Variants in WWOX observed in about 807,000 individuals in gnomAD.
WWOX encodes the protein WW domain-containing oxidoreductase.
In WWOX, 69 loss-of-function variants were observed where a neutral mutation model predicts 46.2. The ratio of observed to expected loss-of-function variants is 1.49; its 90% CI spans 1.23 to 1.82. WWOX has a LOEUF of 1.82. Among genes scored for constraint, WWOX ranks in the 40% most tolerant of loss-of-function variants. WWOX has a pLI of 0.00. For missense variants in WWOX, 919 were observed against 542.6 expected, an observed-to-expected ratio of 1.69 and a Z score of -6.89; for synonymous variants, 359 against 202.6, an observed-to-expected ratio of 1.77 and a Z score of -6.56.
At chr16:78,399,877 T>G (rs374530137) in intron 6 of WWOX, among the ~76,000 whole-genome samples, 44 of 152,182 alleles carry the variant, frequency 2.9e-4, no homozygotes, top group African/African-American at 9.6e-4. Context: ...TCCCAGTAAA[T>G]TGTTGAGAAG....
chr16:78,199,764 C>T (rs899011946), intron 5 of WWOX, among the ~76,000 whole-genome samples: 1 of 149,784 alleles, frequency 6.7e-6, no homozygotes, highest in Admixed American at 6.6e-5. Context: ...GAATGTCTCT[C>T]TTAGGCTGAG....
chr16:78,719,950 A>G (rs1278938286), intron 8 of WWOX, among the ~76,000 whole-genome samples: 2 of 152,200 alleles, frequency 1.3e-5, no homozygotes, highest in Non-Finnish European at 2.9e-5. Flanking sequence ...AAAGTGTTCT[A>G]TTCTAAGCTA....
rs1051719690 is a variant in WWOX, at chr16:79,212,174, T to G, written c.*378T>G. 6.8e-7 allele frequency: 1 copy of G among 1,478,886 alleles called. No homozygotes were observed. Among genetic ancestry groups the G allele is most frequent in the African/African-American group, 1.5e-5 (1 of 65,244 alleles). The allele number at this position is 1,478,886 out of a possible 1,614,324, so 91.6% of individuals were successfully genotyped here. A position where few individuals can be genotyped will look rare whatever the true frequency, so the allele number is the denominator to read the frequency against. ...ATCCAGCTACCACCACGGCCACCAC[T>G]GCAGCCGGGGGCTGGCCTTCTCCTA... is the stretch of plus-strand genomic sequence containing the variant. On this transcript the variant is annotated 3_prime_UTR_variant, in exon 9 of 9. Coordinates refer to ENST00000566780, the MANE Select transcript of WWOX (RefSeq NM_016373.4).
chr16:78,597,592 C>A (rs1009728153), intron 8 of WWOX, among the ~76,000 whole-genome samples: 10 of 152,114 alleles, frequency 6.6e-5, no homozygotes, highest in African/African-American at 2.4e-4. Flanking sequence ...TTTCTGGAAA[C>A]CTTCAAATTA....
chr16:78,571,135 G>A lies in WWOX; in HGVS notation c.1056+138383G>A, dbSNP rs534115755. ...TAGTTACTTACAGTAGAAGAGAAAT[G>A]TACATTTCTGAAAATCCACTGAGGA... On this transcript the variant is annotated intron_variant, in intron 8 of 8. Coordinates refer to ENST00000566780, the MANE Select transcript of WWOX (RefSeq NM_016373.4). 3.3e-5 allele frequency among the ~76,000 whole-genome samples: 5 copies of A among 152,314 alleles called. No homozygotes were observed. In the East Asian group the frequency reaches 9.7e-4, roughly 29 times the overall value.
chr16:78,152,062 C>T (rs974351196), intron 4 of WWOX, among the ~76,000 whole-genome samples: 3 of 152,020 alleles, frequency 2.0e-5, no homozygotes, highest in African/African-American at 4.8e-5. Context: ...TGGTGGCGGG[C>T]GCCTGTAGTC....
At chr16:78,165,345 T>C (rs76348177) in intron 5 of WWOX, among the ~76,000 whole-genome samples, 1,798 of 152,340 alleles carry the variant, frequency 0.012, 30 homozygotes, top group African/African-American at 0.026. Context: ...CCACTGTCTT[T>C]GTAGAGCTTT....
chr16:78,624,108 A>T (rs2046254920), intron 8 of WWOX, among the ~76,000 whole-genome samples: 2 of 152,092 alleles, frequency 1.3e-5, no homozygotes, highest in Non-Finnish European at 2.9e-5. Context: ...AGGTCATATG[A>T]TTTCCATTTG....
rs151206850 is a variant in WWOX at position 79,026,711 on chromosome 16, G to A, written c.1057-184897G>A. Among the ~76,000 whole-genome samples, 626 of 141,042 alleles carry A rather than the reference G, an allele frequency of 4.4e-3. 19 individuals carry two copies. Among genetic ancestry groups the A allele is most frequent in the African/African-American group, 0.016 (588 of 36,994 alleles). The allele number at this position is 141,042 out of a possible 152,430, so 92.5% of individuals were successfully genotyped here. A position where few individuals can be genotyped will look rare whatever the true frequency, so the allele number is the denominator to read the frequency against. ...CAGCTCACTGCAACCTCCGCCTCCC[G>A]GGTTCACACCATTTTCCTGCCTCAG... On this transcript the variant is annotated intron_variant, in intron 8 of 8. Transcript: ENST00000566780.
At chr16:78,879,717 A>T (rs577222872) in intron 8 of WWOX, among the ~76,000 whole-genome samples, 1 of 152,116 alleles carries the variant, frequency 6.6e-6, no homozygotes, top group Non-Finnish European at 1.5e-5. Context: ...GTCGTTACTA[A>T]AAATACAAAA....
chr16:78,553,719 A>G (rs2044225914), intron 8 of WWOX, among the ~76,000 whole-genome samples: 1 of 152,000 alleles, frequency 6.6e-6, no homozygotes, highest in Non-Finnish European at 1.5e-5. Context: ...TCTGTGAGGG[A>G]GGAGGCCTGG....
chr16:79,009,178 T>C (rs2047253539), intron 8 of WWOX, among the ~76,000 whole-genome samples: 1 of 152,214 alleles, frequency 6.6e-6, no homozygotes, highest in Non-Finnish European at 1.5e-5. Flanking sequence ...AGGTGAGTGA[T>C]GTGGAACTGT....
chr16:78,429,945 G>C (rs1283316627), intron 7 of WWOX, among the ~76,000 whole-genome samples: 3 of 152,200 alleles, frequency 2.0e-5, no homozygotes, highest in African/African-American at 7.2e-5. Context: ...ATTACCAGGT[G>C]TGTGGTATTG....
chr16:78,998,620 G>T (rs1319868798), intron 8 of WWOX, among the ~76,000 whole-genome samples: 1 of 152,202 alleles, frequency 6.6e-6, no homozygotes, highest in Admixed American at 6.5e-5. Flanking sequence ...TACAATAGGT[G>T]TAATAGTAAA....
intron 8 of WWOX, among the ~76,000 whole-genome samples, chr16:79,211,305 T>G (rs946444921): frequency 6.6e-6 from 1 of 152,194 alleles, no homozygotes; most frequent in African/African-American, 2.4e-5. Context: ...TTTTTCTCTG[T>G]GTGGAAGAGG....
chr16:79,071,277 C>G (rs980021395), intron 8 of WWOX, among the ~76,000 whole-genome samples: 5 of 152,204 alleles, frequency 3.3e-5, no homozygotes, highest in Non-Finnish European at 7.3e-5. Context: ...TTTTGACAAC[C>G]TGACAATGAC....
At chr16:78,696,841 A>G (rs866590765) in intron 8 of WWOX, among the ~76,000 whole-genome samples, 29 of 152,214 alleles carry the variant, frequency 1.9e-4, no homozygotes, top group African/African-American at 7.0e-4. Flanking sequence ...TCAGTCCCCA[A>G]AGTCCATTGT....
intron 5 of WWOX, among the ~76,000 whole-genome samples, chr16:78,286,451 T>A (rs2079769151): frequency 6.6e-6 from 1 of 152,240 alleles, no homozygotes; most frequent in Non-Finnish European, 1.5e-5. Context: ...AGCTTAATAA[T>A]ACTGTGATTC....
intron 5 of WWOX, among the ~76,000 whole-genome samples, chr16:78,297,099 A>G (rs1028105706): frequency 6.6e-6 from 1 of 152,134 alleles, no homozygotes; most frequent in African/African-American, 2.4e-5. Context: ...CTAGCCCTGG[A>G]GTGAGGTGGC....
Sources: allele counts gnomAD v4.1 joint callset (sites outside exome capture counted in the v4.1 genomes callset), GRCh38; gene constraint gnomAD v4.1.1; transcripts MANE v1.5; gene names NCBI Gene and HGNC (gene_info 2026-07-23, HGNC 2026-07-21).